ADK: variants seen among roughly 807,000 people sequenced by gnomAD.
ADK encodes the protein adenosine kinase.
In ADK, 24 loss-of-function variants were observed where a neutral mutation model predicts 44.7. The observed-to-expected ratio is 0.54, with a 90% CI of 0.39 to 0.76. The LOEUF (loss-of-function observed/expected upper bound fraction) is 0.76. ADK is among the 30% of genes least tolerant of loss of function. The probability of loss-of-function intolerance (pLI) is 0.00; values close to 1 mark genes in which losing one functional copy is unlikely to be tolerated. For synonymous variants in ADK, 128 were observed against 142.6 expected (o/e 0.90, Z 0.73); for missense variants, 321 against 425.1 (o/e 0.76, Z 2.15).
At chr10:74,274,218 G>A (rs1039086686) in intron 3 of ADK, among the ~76,000 whole-genome samples, 1 of 152,124 alleles carries the variant, frequency 6.6e-6, no homozygotes. Context: ...TTTTGTATAT[G>A]TATTAAACAC....
At chr10:74,246,223 C>G (rs1268798391) in intron 3 of ADK, among the ~76,000 whole-genome samples, 1 of 152,144 alleles carries the variant, frequency 6.6e-6, no homozygotes, top group Non-Finnish European at 1.5e-5. Context: ...TTCTCATTCT[C>G]TCATGAGCAT....
intron 7 of ADK, among the ~76,000 whole-genome samples, chr10:74,547,006 T>A (rs1346352547): frequency 1.3e-5 from 2 of 152,216 alleles, no homozygotes; most frequent in Non-Finnish European, 2.9e-5. Flanking sequence ...TGTGTTTCCT[T>A]GTAGGGTTTT....
intron 3 of ADK, among the ~76,000 whole-genome samples, chr10:74,269,794 C>G (rs1846357296): frequency 6.6e-6 from 1 of 152,022 alleles, no homozygotes; most frequent in Non-Finnish European, 1.5e-5. Flanking sequence ...CTCAGGAGTT[C>G]AAGACCAGCC....
rs16931407 is a variant in ADK, at chr10:74,389,731, G to C, written c.274-4410G>C. On this transcript the variant is annotated intron_variant, in intron 4 of 10. Transcript: ENST00000539909. ...AGAATGTCAGGCAGTTTCCCATGTT[G>C]AAATATTCGATAGTAAAAGGATAGC... Among the ~76,000 whole-genome samples the C allele has an allele frequency of 5.2e-3, 790 of 152,126 alleles. 5 individuals carry two copies. The highest frequency in any genetic ancestry group is 0.018 in the African/African-American group (746 of 41,506).
At chr10:74,279,813 C>T (rs2132440224) in intron 3 of ADK, among the ~76,000 whole-genome samples, 1 of 151,858 alleles carries the variant, frequency 6.6e-6, no homozygotes, top group East Asian at 1.9e-4. Flanking sequence ...CAGAGGATTG[C>T]TTGAAACCAG....
Position 74,185,473 on chromosome 10 carries a change from A to G in ADK, c.66-15291A>G, listed in dbSNP as rs187358183. Among the ~76,000 whole-genome samples, 73 of 152,176 alleles carry G rather than the reference A, an allele frequency of 4.8e-4. 1 individual carries two copies. The highest frequency in any genetic ancestry group is 4.1e-3 in the South Asian group (20 of 4,822). On this transcript the variant is annotated intron_variant, in intron 1 of 10. Transcript: ENST00000539909. ...AGGATTGGCTTTACGTAACCAAGAAACACATTTCCCTAGTCTGTTCACTTT... is the reference window on the plus strand; with the variant it reads ...AGGATTGGCTTTACGTAACCAAGAAGCACATTTCCCTAGTCTGTTCACTTT...
chr10:74,209,412 C>T (rs930567359), intron 2 of ADK, among the ~76,000 whole-genome samples: 2 of 152,026 alleles, frequency 1.3e-5, no homozygotes, highest in Non-Finnish European at 2.9e-5. Flanking sequence ...CAAATTACCC[C>T]AAACAAAATA....
At chr10:74,636,764 A>AG (rs1389708850) in intron 9 of ADK, among the ~76,000 whole-genome samples, 1 of 152,242 alleles carries the variant, frequency 6.6e-6, no homozygotes, top group African/African-American at 2.4e-5. Flanking sequence ...GAGGAGTCTA[A>AG]GACATGCTTT....
intron 7 of ADK, among the ~76,000 whole-genome samples, chr10:74,569,552 T>A (rs1764911728): frequency 6.6e-6 from 1 of 152,228 alleles, no homozygotes; most frequent in African/African-American, 2.4e-5. Context: ...TTTTCATGTG[T>A]CTTTTGGCTG....
chr10:74,647,216 T>C (rs931209323), intron 9 of ADK, among the ~76,000 whole-genome samples: 21 of 152,100 alleles, frequency 1.4e-4, no homozygotes, highest in Non-Finnish European at 2.6e-4. Flanking sequence ...TCAGATTAAA[T>C]TGGAGAAGGA....
chr10:74,285,319 T>C (rs1847120389), intron 3 of ADK, among the ~76,000 whole-genome samples: 1 of 152,118 alleles, frequency 6.6e-6, no homozygotes, highest in South Asian at 2.1e-4. Flanking sequence ...AAAATGAGTG[T>C]GTGGCATGGT....
chr10:74,156,996 C>T (rs1377694939), intron 1 of ADK, among the ~76,000 whole-genome samples: 1 of 152,194 alleles, frequency 6.6e-6, no homozygotes, highest in African/African-American at 2.4e-5. Flanking sequence ...GACCTAGGGT[C>T]AGATGCTCTG....
Position 74,697,216 on chromosome 10 carries a change from G to A in ADK, c.965-11105G>A, listed in dbSNP as rs144439048. ...GTATCTTTGGGAAAACAATTTCAGC[G>A]TAATATATACTTGTAAAAAGTGAAT... is the stretch of plus-strand genomic sequence containing the variant. On this transcript the variant is annotated intron_variant, in intron 10 of 10. Transcript: ENST00000539909. Among the ~76,000 whole-genome samples the A allele has an allele frequency of 1.2e-4, 19 of 152,218 alleles. No individual in the cohort carries two copies. The South Asian group carries it at 1.5e-3, about 12-fold the overall frequency.
In ADK at chr10:74,525,235, C is replaced by T. The variant is rs757682736; in HGVS notation, c.556-21C>T. 12 of 1,611,086 alleles carry T rather than the reference C, an allele frequency of 7.4e-6. No individual in the cohort carries two copies. In the African/African-American group the frequency reaches 1.5e-4, roughly 20 times the overall value. On this transcript the variant is annotated intron_variant, in intron 6 of 10. Transcript: ENST00000539909. Reference sequence around the variant, plus strand: ...TGTGGAGATGGTATTTCTAATTTTCCCTCCTTTTTTCTTCATCCAGGGCTT... The same window carrying T: ...TGTGGAGATGGTATTTCTAATTTTCTCTCCTTTTTTCTTCATCCAGGGCTT...
intron 1 of ADK, among the ~76,000 whole-genome samples, chr10:74,196,551 A>G (rs1843161353): frequency 6.6e-6 from 1 of 152,166 alleles, no homozygotes; most frequent in Admixed American, 6.5e-5. Flanking sequence ...AAAAAAGAAA[A>G]TGAGCACTAA....
intron 4 of ADK, among the ~76,000 whole-genome samples, chr10:74,366,801 A>C (rs1209223550): frequency 2.0e-5 from 3 of 152,136 alleles, no homozygotes; most frequent in Non-Finnish European, 4.4e-5. Flanking sequence ...ATGGTGGTAC[A>C]CACCTGTAGT....
chr10:74,573,779 C>T (rs541983150), intron 7 of ADK, among the ~76,000 whole-genome samples: 31 of 152,268 alleles, frequency 2.0e-4, no homozygotes, highest in Non-Finnish European at 2.9e-4. Context: ...TAGCAATCAG[C>T]GAGACTCCAT....
intron 2 of ADK, among the ~76,000 whole-genome samples, chr10:74,221,332 C>A (rs1035256282): frequency 6.7e-6 from 1 of 150,068 alleles, no homozygotes; most frequent in Non-Finnish European, 1.5e-5. Flanking sequence ...AGGACCTCTT[C>A]AAGGAGAACT....
At chr10:74,302,262 A>G (rs562770080) in intron 3 of ADK, among the ~76,000 whole-genome samples, 1 of 148,786 alleles carries the variant, frequency 6.7e-6, no homozygotes, top group South Asian at 2.1e-4. Flanking sequence ...CTGAGTAGTT[A>G]CAGGTGGGAC....
Sources: gnomAD v4.1 joint callset for allele counts (sites outside exome capture counted in the v4.1 genomes callset) on GRCh38, gnomAD v4.1.1 for gene constraint, MANE v1.5 for transcripts, NCBI Gene and HGNC (gene_info 2026-07-23, HGNC 2026-07-21) for gene names.